The following THBS1 variants were observed in gnomAD, a reference collection of about 807,000 sequenced individuals.
THBS1 encodes thrombospondin-1.
Under a neutral mutation model 126.1 loss-of-function variants are expected in THBS1, and 29 were observed. That is an observed-to-expected ratio of 0.23 (90% CI 0.17 to 0.31). The LOEUF (loss-of-function observed/expected upper bound fraction) is 0.31, where lower values mean the gene tolerates loss of function less well. Ranked by LOEUF, THBS1 falls within the 10% of genes least tolerant of loss-of-function variation. THBS1 has a pLI of 1.00. For synonymous variants in THBS1, 496 were observed against 577.8 expected, an observed-to-expected ratio of 0.86 and a Z score of 2.03; for missense variants, 1,198 against 1,545.2, an observed-to-expected ratio of 0.78 and a Z score of 3.77.
chr15:39,593,946 C>A lies in THBS1; in HGVS notation c.3268-153C>A. The A allele has an allele frequency of 2.1e-6, 2 of 937,770 alleles. No individual in the cohort carries two copies. The highest frequency in any genetic ancestry group is 3.1e-6 in the Non-Finnish European group (2 of 638,200). 58.1% of individuals were successfully genotyped at this position (937,770 alleles called of 1,614,324 possible). A position where few individuals can be genotyped will look rare whatever the true frequency, so the allele number is the denominator to read the frequency against. On this transcript the variant is annotated intron_variant, in intron 19 of 21. Coordinates refer to ENST00000260356, the MANE Select transcript of THBS1 (RefSeq NM_003246.4). The surrounding 1 kb of genome is among the most constrained non-coding windows in gnomAD (Gnocchi z 5.9). Reference sequence around the variant, plus strand: ...CTTTATATGTGTGCTCAGTGGCACACAACAAATATGAGAGGACTTGGAAAA... The same window carrying A: ...CTTTATATGTGTGCTCAGTGGCACAAAACAAATATGAGAGGACTTGGAAAA...
chr15:39,598,901 T>G lies in THBS1; in HGVS notation c.*3532T>G, dbSNP rs560434604. The G allele has an allele frequency of 1.1e-4, 17 of 151,876 alleles. No homozygotes were observed. Among genetic ancestry groups the G allele is most frequent in the African/African-American group, 3.9e-4 (16 of 41,454 alleles). 9.4% of individuals were successfully genotyped at this position (151,876 alleles called of 1,614,324 possible). A position where few individuals can be genotyped will look rare whatever the true frequency, so the allele number is the denominator to read the frequency against. On this transcript the variant is annotated 3_prime_UTR_variant, in exon 22 of 22. Coordinates refer to ENST00000260356, the MANE Select transcript of THBS1 (RefSeq NM_003246.4). The stretch of plus-strand genomic sequence containing the variant: ...GAATTCATTCCTTAAATAAATTGGC[T>G]CTCTCTCTCTTCTATAATTTCTTTT...
intron 3 of THBS1, among the ~76,000 whole-genome samples, chr15:39,583,222 TAGC>T (rs1363986895): frequency 6.6e-6 from 1 of 152,232 alleles, no homozygotes; most frequent in East Asian, 1.9e-4. Context: ...AAGGTTAAAA[TAGC>T]AGTTAGTTGT....
intron 2 of THBS1, 71 bp downstream of exon 2, chr15:39,581,995 C>T: frequency 6.5e-7 from 1 of 1,534,118 alleles, no homozygotes; most frequent in Non-Finnish European, 9.0e-7. Flanking sequence ...GGTGTGCCCC[C>T]TCACGTGCTG....
In THBS1 at chr15:39,589,936, C is replaced by T; in HGVS notation, c.2058C>T (p.Gly686=). The change falls in exon 13 of 22, where the codon GGC becomes GGT. Residue 686 remains glycine, a synonymous_variant. Transcript: ENST00000260356. The surrounding 1 kb of genome is among the most constrained non-coding windows in gnomAD (Gnocchi z 4.7). ...CECKPGYAGN[G]IICGEDTDLD... The stretch of plus-strand genomic sequence containing the variant: ...GCAAGCCTGGCTACGCTGGCAATGG[C>T]ATCATCTGCGGGGAGGACACAGACC... The T allele has an allele frequency of 1.2e-6, 2 of 1,614,132 alleles. No homozygotes were observed. The highest frequency in any genetic ancestry group is 2.2e-5 in the East Asian group (1 of 44,870).
intron 8 of THBS1, 44 bp downstream of exon 8, chr15:39,587,564 CTTG>C (rs1235416234): frequency 5.1e-6 from 8 of 1,556,318 alleles, no homozygotes; most frequent in Non-Finnish European, 6.1e-6. Context: ...CTGACCTGTC[CTTG>C]TTGTCGTCAC....
chr15:39,590,393 A>G, intron 13 of THBS1, 123 bp from the exon 14 acceptor site: 1 of 720,760 alleles, frequency 1.4e-6, no homozygotes, highest in South Asian at 2.1e-5. Context: ...CATAAAAAAA[A>G]TATGCTGTTA....
At position 39,597,275 on chromosome 15, in the gene THBS1, G is replaced by GTTTTT. The variant is rs879801079; in HGVS notation, c.*1910_*1911insTTTTT. The GTTTTT allele has an allele frequency of 1.9e-5, 1 of 52,594 alleles. No homozygotes were observed. The highest frequency in any genetic ancestry group is 4.0e-5 in the Non-Finnish European group (1 of 24,780). The allele number at this position is 52,594 out of a possible 1,614,324, so 3.3% of individuals were successfully genotyped here. Reference sequence around the variant, plus strand: ...GAATTGTTGGTTTTTTCTTTTTTTTGTTTTGTTTTTTTTTTTTTTTTTTTT... The same window carrying GTTTTT: ...GAATTGTTGGTTTTTTCTTTTTTTTGTTTTTTTTTGTTTTTTTTTTTTTTTTTTTT... On this transcript the variant is annotated 3_prime_UTR_variant, in exon 22 of 22. Transcript: ENST00000260356.
intron 13 of THBS1, 85 bp from the exon 14 acceptor site, chr15:39,590,431 T>G (rs1021762315): frequency 9.3e-7 from 1 of 1,076,962 alleles, no homozygotes; most frequent in Non-Finnish European, 1.3e-6. Context: ...CTTTTTCTAT[T>G]TGGAATTCCA....
chr15:39,589,785 G>T lies in THBS1; in HGVS notation c.1927-20G>T, dbSNP rs368589532. ...GGATTCTCAAAAGCTCTGTGTAACA[G>T]CAGCATGGTGTACCCTCAGGTGTGC... On this transcript the variant is annotated intron_variant, in intron 12 of 21. Coordinates refer to ENST00000260356, the MANE Select transcript of THBS1 (RefSeq NM_003246.4). This position sits in a 1 kb window ranked among gnomAD's most constrained non-coding sequence, Gnocchi z 4.7. 2.5e-6 allele frequency: 4 copies of T among 1,577,576 alleles called. No individual in the cohort carries two copies. The Admixed American group carries it at 5.4e-5, about 21-fold the overall frequency.
At position 39,597,266 on chromosome 15, in the gene THBS1, CTT is replaced by C. The variant is rs1195267531; in HGVS notation, c.*1904_*1905del. The C allele has an allele frequency of 1.1e-4, 5 of 45,970 alleles. No individual in the cohort carries two copies. Among genetic ancestry groups the C allele is most frequent in the African/African-American group, 4.1e-4 (5 of 12,210 alleles). 2.8% of individuals were successfully genotyped at this position (45,970 alleles called of 1,614,324 possible). On this transcript the variant is annotated 3_prime_UTR_variant, in exon 22 of 22. Transcript: ENST00000260356. ...TGAATTGAAGAATTGTTGGTTTTTT[CTT>C]TTTTTTGTTTTGTTTTTTTTTTTTT...
Position 39,582,666 on chromosome 15 carries a change from G to A in THBS1, c.541G>A (p.Val181Ile), listed in dbSNP as rs770363046. ...CEKMENAELD[V>I]PIQSVFTRDL... ...AAAGATGGAGAATGCTGAGTTGGAC[G>A]TCCCCATCCAAAGCGTCTTCACCAG... Residue 181 changes from valine (V) to isoleucine (I), a missense_variant, in exon 3 of 22, where the codon GTC (valine) becomes ATC (isoleucine). Physicochemically the swap from Val to Ile is conservative, Grantham distance 29. This residue lies in a region of THBS1 where 271 missense variants were observed against 277.0 expected (regional missense o/e 0.98). Coordinates refer to ENST00000260356, the MANE Select transcript of THBS1 (RefSeq NM_003246.4). The A allele has an allele frequency of 1.3e-5, 21 of 1,613,538 alleles. No homozygotes were observed. Among genetic ancestry groups the A allele is most frequent in the Non-Finnish European group, 1.7e-5 (20 of 1,180,042 alleles).
chr15:39,593,675 A>G lies in THBS1; in HGVS notation c.3267+7A>G. On this transcript the variant is annotated splice_region_variant and intron_variant, in intron 19 of 21. Transcript: ENST00000260356. The surrounding 1 kb of genome is among the most constrained non-coding windows in gnomAD (Gnocchi z 5.9). ...AGGAAACACCCCTGGCCAGGTAAGA[A>G]GCAAAGCCCTGGAACAGAGAGAGAG... The G allele has an allele frequency of 1.2e-6, 2 of 1,612,518 alleles. No individual in the cohort carries two copies. Among genetic ancestry groups the G allele is most frequent in the South Asian group, 2.2e-5 (2 of 91,012 alleles).
Position 39,594,219 on chromosome 15 carries a change from T to A in THBS1, c.3365+23T>A. 1 of 1,613,902 alleles carries A rather than the reference T, an allele frequency of 6.2e-7. No homozygotes were observed. Among genetic ancestry groups the A allele is most frequent in the East Asian group, 2.2e-5 (1 of 44,882 alleles). Reference sequence around the variant, plus strand: ...TAGGTACGATCATACTGATTCACTTTCACTTACAGTCACACTGAGGGACAA... The same window carrying A: ...TAGGTACGATCATACTGATTCACTTACACTTACAGTCACACTGAGGGACAA... On this transcript the variant is annotated intron_variant, in intron 20 of 21. Transcript: ENST00000260356. The surrounding 1 kb of genome is among the most constrained non-coding windows in gnomAD (Gnocchi z 4.4).
rs2140350369 is a variant in THBS1 at position 39,592,950 on chromosome 15, T to C, written c.2768-50T>C. 3 of 1,589,088 alleles carry C rather than the reference T, an allele frequency of 1.9e-6. No homozygotes were observed. In the East Asian group the frequency reaches 6.7e-5, roughly 36 times the overall value. ...ATAGTGACATTTCTGACACCAGTAA[T>C]AATAATAGCACTTTAGAATTTTGCT... is the stretch of plus-strand genomic sequence containing the variant. On this transcript the variant is annotated intron_variant, in intron 17 of 21. Transcript: ENST00000260356. The surrounding 1 kb of genome is among the most constrained non-coding windows in gnomAD (Gnocchi z 4.3).
In THBS1 at chr15:39,589,827, G is replaced by A. The variant is rs1289809084; in HGVS notation, c.1949G>A (p.Cys650Tyr). ...CAGGTGTGCAAGCCCCGTAACCCCTGCACGGATGGGACCCACGACTGCAAC... is the reference window on the plus strand; with the variant it reads ...CAGGTGTGCAAGCCCCGTAACCCCTACACGGATGGGACCCACGACTGCAAC... ...NKQVCKPRNPCTDGTHDCNKN... is the reference protein window; with the variant it reads ...NKQVCKPRNPYTDGTHDCNKN... Residue 650 changes from cysteine to tyrosine, a missense_variant, in exon 13 of 22, where the codon TGC becomes TAC. This residue lies in a region of THBS1 where 663 missense variants were observed against 860.1 expected (regional missense o/e 0.77). Transcript: ENST00000260356. This position sits in a 1 kb window ranked among gnomAD's most constrained non-coding sequence, Gnocchi z 4.7. 1.9e-6 allele frequency: 3 copies of A among 1,613,388 alleles called. No homozygotes were observed. The highest frequency in any genetic ancestry group is 2.2e-5 in the South Asian group (2 of 90,944).
At position 39,587,447 on chromosome 15, in the gene THBS1, T is replaced by C. The variant is rs2140346271; in HGVS notation, c.1221T>C (p.Asp407=). 6.2e-7 allele frequency: 1 copy of C among 1,613,962 alleles called. No homozygotes were observed. The highest frequency in any genetic ancestry group is 8.5e-7 in the Non-Finnish European group (1 of 1,180,034). ...NGIQQRGRSC[D]SLNNRCEGSS... is the part of the protein sequence containing the mutation. ...TTCAGCAGCGCGGCCGCTCCTGCGATAGCCTCAACAACCGATGTGAGGGCT... is the reference window on the plus strand; with the variant it reads ...TTCAGCAGCGCGGCCGCTCCTGCGACAGCCTCAACAACCGATGTGAGGGCT... The change falls in exon 8 of 22, where the codon GAT becomes GAC. Residue 407 remains aspartate, a synonymous_variant. Transcript: ENST00000260356.
intron 9 of THBS1, 43 bp downstream of exon 9, chr15:39,588,261 T>G (rs371777597): frequency 6.3e-7 from 1 of 1,589,162 alleles, no homozygotes; most frequent in African/African-American, 1.3e-5. Context: ...GGGCAGCAGC[T>G]CTGCCCAGCT....
intron 6 of THBS1, among the ~76,000 whole-genome samples, chr15:39,585,136 G>A (rs1890186214): frequency 6.6e-6 from 1 of 152,180 alleles, no homozygotes; most frequent in Non-Finnish European, 1.5e-5. Flanking sequence ...AGTCCTGGCT[G>A]AATTTTCTGA....
chr15:39,585,073 A>T (rs951202596), intron 6 of THBS1, among the ~76,000 whole-genome samples: 6 of 152,194 alleles, frequency 3.9e-5, no homozygotes, highest in African/African-American at 4.8e-5. Context: ...ATGAGGAAAA[A>T]GTGCTTATAG....
Sources: allele counts gnomAD v4.1 joint callset (sites outside exome capture counted in the v4.1 genomes callset), GRCh38; gene constraint gnomAD v4.1.1; regional missense constraint gnomAD v4.1.1; non-coding constraint Gnocchi (gnomAD v3.1); transcripts MANE v1.5; gene names NCBI Gene and HGNC (gene_info 2026-07-23, HGNC 2026-07-21).